ANKRD11: variants seen among roughly 807,000 people sequenced by gnomAD.
ANKRD11 encodes ankyrin repeat domain 11, also known as ankyrin repeat domain-containing protein 11.
Under a neutral mutation model 195.7 loss-of-function variants are expected in ANKRD11, and 17 were observed. That is an observed-to-expected ratio of 0.09 (90% confidence interval 0.06 to 0.13). The LOEUF (loss-of-function observed/expected upper bound fraction) is 0.13, where lower values mean the gene tolerates loss of function less well. Among genes scored for constraint, ANKRD11 ranks in the 10% least tolerant of loss-of-function variants. The pLI, the probability that ANKRD11 is intolerant of heterozygous loss-of-function variation, is 1.00. For synonymous variants in ANKRD11, 1,953 were observed against 1,528.1 expected, an observed-to-expected ratio of 1.28 and a Z score of -6.49; for missense variants, 3,735 against 3,566.1, an observed-to-expected ratio of 1.05 and a Z score of -1.21.
intron 2 of ANKRD11, chr16:89,324,660 C>T: frequency 2.7e-6 from 1 of 374,772 alleles, no homozygotes; most frequent in Non-Finnish European, 5.3e-6. Context: ...ATCTTTCTTC[C>T]ATGCTGGATA....
chr16:89,367,516 CCT>C (rs1329697574), intron 2 of ANKRD11, among the ~76,000 whole-genome samples: 1 of 152,222 alleles, frequency 6.6e-6, no homozygotes, highest in Non-Finnish European at 1.5e-5. Context: ...ACCCACGCTC[CCT>C]CTTAGGCCAC....
intron 3 of ANKRD11, chr16:89,313,507 C>T (rs1313004887): frequency 2.3e-6 from 3 of 1,289,088 alleles, no homozygotes; most frequent in Admixed American, 4.6e-5. Flanking sequence ...GTCAGCGCGG[C>T]ATCAGGATGC....
chr16:89,339,317 A>T (rs2038539940), intron 2 of ANKRD11, among the ~76,000 whole-genome samples: 1 of 152,228 alleles, frequency 6.6e-6, no homozygotes, highest in Admixed American at 6.5e-5. Context: ...CAACCAAAGG[A>T]GTAAGAGAGG....
At chr16:89,441,382 T>A (rs1472369491) in intron 1 of ANKRD11, among the ~76,000 whole-genome samples, 1 of 152,176 alleles carries the variant, frequency 6.6e-6, no homozygotes, top group Non-Finnish European at 1.5e-5. Context: ...CAGACTTTTT[T>A]AAGATCTTGC....
At chr16:89,363,702 G>T (rs1395947007) in intron 2 of ANKRD11, among the ~76,000 whole-genome samples, 1 of 152,146 alleles carries the variant, frequency 6.6e-6, no homozygotes, top group Non-Finnish European at 1.5e-5. Context: ...AGGCCCCTGT[G>T]AAACAAACAC....
At chr16:89,412,656 C>G (rs1433074039) in intron 2 of ANKRD11, 1 of 152,072 alleles carries the variant, frequency 6.6e-6, no homozygotes, top group East Asian at 1.9e-4. Flanking sequence ...ACTGAGTACT[C>G]TTTTGCTAGA....
chr16:89,476,067 G>C (rs868572180), intron 1 of ANKRD11, among the ~76,000 whole-genome samples: 1 of 146,808 alleles, frequency 6.8e-6, no homozygotes, highest in African/African-American at 2.5e-5. Flanking sequence ...AAAAAAAAAA[G>C]AAAAAGAAAA....
At chr16:89,394,430 A>G (rs905416176) in intron 2 of ANKRD11, among the ~76,000 whole-genome samples, 2 of 152,222 alleles carry the variant, frequency 1.3e-5, no homozygotes, top group African/African-American at 4.8e-5. Flanking sequence ...GGAGTTCAAG[A>G]CCAGACTGGC....
At chr16:89,464,795 G>C (rs1226892428) in intron 1 of ANKRD11, among the ~76,000 whole-genome samples, 3 of 152,054 alleles carry the variant, frequency 2.0e-5, no homozygotes, top group Admixed American at 2.0e-4. Context: ...CTCTACAGAA[G>C]GAAGAAGCCG....
intron 2 of ANKRD11, among the ~76,000 whole-genome samples, chr16:89,402,093 C>G (rs1468777898): frequency 6.6e-6 from 1 of 152,204 alleles, no homozygotes; most frequent in African/African-American, 2.4e-5. Context: ...GTTTCACTCT[C>G]TGTCCATGGA....
intron 2 of ANKRD11, among the ~76,000 whole-genome samples, chr16:89,394,659 G>A (rs2041347636): frequency 6.6e-6 from 1 of 151,412 alleles, no homozygotes; most frequent in African/African-American, 2.4e-5. Flanking sequence ...ACCTTTTGTG[G>A]AAAAACGAGT....
At chr16:89,465,508 C>T (rs1444156164) in intron 1 of ANKRD11, among the ~76,000 whole-genome samples, 2 of 152,166 alleles carry the variant, frequency 1.3e-5, no homozygotes, top group Non-Finnish European at 2.9e-5. Context: ...CCACACCGCC[C>T]GCCCGCACAC....
Position 89,279,678 on chromosome 16 carries a change from G to C in ANKRD11, c.6864C>G (p.Ala2288=), listed in dbSNP as rs377447921. Residue 2288 remains alanine (A), a synonymous_variant, in exon 9 of 13, where the codon GCC becomes GCG. Transcript: ENST00000301030. The surrounding 1 kb of genome is among the most constrained non-coding windows in gnomAD (Gnocchi z 5.6). ...AGGCCTCAGTGTCGTCCTCGGGGCC[G>C]GCACCGTCTGCGGCCTGAGCTTGTG... ...TVAQAQAADG[A]GPEDDTEASR... is the part of the protein sequence containing the mutation. 1.4e-5 allele frequency: 20 copies of C among 1,476,874 alleles called. No homozygotes were observed. The highest frequency in any genetic ancestry group is 1.6e-5 in the Non-Finnish European group (18 of 1,117,600). The allele number at this position is 1,476,874 out of a possible 1,614,324, so 91.5% of individuals were successfully genotyped here. A position where few individuals can be genotyped will look rare whatever the true frequency, so the allele number is the denominator to read the frequency against.
rs1303172994 is a variant in ANKRD11, at chr16:89,279,172, C to T, written c.7370G>A (p.Cys2457Tyr). Residue 2457 changes from cysteine to tyrosine, a missense_variant, in exon 9 of 13, where the codon TGT becomes TAT. Transcript: ENST00000301030. The surrounding 1 kb of genome is among the most constrained non-coding windows in gnomAD (Gnocchi z 5.6). Reference sequence around the variant, plus strand: ...GCACTGGGGCGCCTGCGGCGTGATACAGCACAGGATCTTGCGCTTCTCCTC... The same window carrying T: ...GCACTGGGGCGCCTGCGGCGTGATATAGCACAGGATCTTGCGCTTCTCCTC... ...KIEEKRKILC[C>Y]ITPQAPQCYA... 11 of 1,612,954 alleles carry T rather than the reference C, an allele frequency of 6.8e-6. No homozygotes were observed. Among genetic ancestry groups the T allele is most frequent in the African/African-American group, 2.7e-5 (2 of 74,880 alleles).
chr16:89,444,703 TG>T (rs1444942483), intron 1 of ANKRD11, among the ~76,000 whole-genome samples: 1 of 151,934 alleles, frequency 6.6e-6, no homozygotes, highest in Non-Finnish European at 1.5e-5. Context: ...CCCAGCACTT[TG>T]GAAAACAGGA....
chr16:89,397,893 T>A (rs1157807558), intron 2 of ANKRD11, among the ~76,000 whole-genome samples: 2 of 152,222 alleles, frequency 1.3e-5, no homozygotes, highest in African/African-American at 2.4e-5. Flanking sequence ...GGACTCTCCA[T>A]CCCTGGTCAA....
rs2911246 is a variant in ANKRD11, at chr16:89,362,724, G to A, written c.-59-45646C>T. ...TCTTAGCTCCCACAATTTAGCCTAA[G>A]TATCTGCCCTGGCATGCTTATACTG... On this transcript the variant is annotated intron_variant, in intron 2 of 12. Coordinates refer to ENST00000301030, the MANE Select transcript of ANKRD11 (RefSeq NM_013275.6). Among the ~76,000 whole-genome samples, 37 of 151,414 alleles carry A rather than the reference G, an allele frequency of 2.4e-4. No individual in the cohort carries two copies. In the South Asian group the frequency reaches 3.3e-3, roughly 14 times the overall value.
chr16:89,364,852 T>C (rs1299867834), intron 2 of ANKRD11, among the ~76,000 whole-genome samples: 1 of 152,192 alleles, frequency 6.6e-6, no homozygotes, highest in African/African-American at 2.4e-5. Flanking sequence ...CTGATCCCAC[T>C]GCAGATGTTC....
chr16:89,344,525 C>T lies in ANKRD11; in HGVS notation c.-59-27447G>A, dbSNP rs1169684552. ...TTGAGGATAAAATAATCCCATCTGC[C>T]AAAATGACCCACAAATAAAGGCTCC... On this transcript the variant is annotated intron_variant, in intron 2 of 12. Coordinates refer to ENST00000301030, the MANE Select transcript of ANKRD11 (RefSeq NM_013275.6). Among the ~76,000 whole-genome samples the T allele has an allele frequency of 2.6e-5, 4 of 152,186 alleles. No individual in the cohort carries two copies. The East Asian group carries it at 7.7e-4, about 29-fold the overall frequency.
Sources: allele counts gnomAD v4.1 joint callset (sites outside exome capture counted in the v4.1 genomes callset), GRCh38; gene constraint gnomAD v4.1.1; non-coding constraint Gnocchi (gnomAD v3.1); transcripts MANE v1.5; gene names NCBI Gene and HGNC (gene_info 2026-07-23, HGNC 2026-07-21).